NPAS3: variants seen among roughly 807,000 people sequenced by gnomAD.
NPAS3 encodes neuronal PAS domain protein 3, also known as neuronal PAS domain-containing protein 3.
In NPAS3, 14 loss-of-function variants were observed where a neutral mutation model predicts 73.1. The observed-to-expected ratio is 0.19, with a 90% CI of 0.13 to 0.30. The LOEUF (loss-of-function observed/expected upper bound fraction) is 0.30. Among genes scored for constraint, NPAS3 ranks in the 10% least tolerant of loss-of-function variants. The pLI, the probability that NPAS3 is intolerant of heterozygous loss-of-function variation, is 1.00. For synonymous variants in NPAS3, 620 were observed against 541.5 expected (o/e 1.14, Z -2.01); for missense variants, 1,096 against 1,250.0 (o/e 0.88, Z 1.86).
At chr14:33,411,444 A>G (rs1054926709) in intron 4 of NPAS3, among the ~76,000 whole-genome samples, 3 of 152,180 alleles carry the variant, frequency 2.0e-5, no homozygotes, top group African/African-American at 7.2e-5. Flanking sequence ...CGGTTTCCCA[A>G]GGTGCTGGGA....
chr14:33,084,585 G>T (rs377067541), intron 2 of NPAS3, among the ~76,000 whole-genome samples: 9 of 152,094 alleles, frequency 5.9e-5, no homozygotes, highest in African/African-American at 2.2e-4. Context: ...TAAAAATAAT[G>T]AAAATTTCCT....
chr14:33,523,600 T>TA (rs1016026877), intron 4 of NPAS3, among the ~76,000 whole-genome samples: 11 of 151,670 alleles, frequency 7.3e-5, no homozygotes, highest in African/African-American at 2.7e-4. Context: ...TCGTCTCCAC[T>TA]AAAAATACAA....
At chr14:33,401,072 G>T (rs1374942634) in intron 4 of NPAS3, among the ~76,000 whole-genome samples, 1 of 152,116 alleles carries the variant, frequency 6.6e-6, no homozygotes, top group Non-Finnish European at 1.5e-5. Context: ...TAGCAAGTTA[G>T]CATACTGAGG....
intron 2 of NPAS3, among the ~76,000 whole-genome samples, chr14:33,105,819 T>C (rs532440019): frequency 6.6e-6 from 1 of 152,260 alleles, no homozygotes; most frequent in Non-Finnish European, 1.5e-5. Flanking sequence ...TTAAAAAATG[T>C]CTGGTAATGG....
chr14:32,943,351 G>A (rs1260193453), intron 1 of NPAS3, among the ~76,000 whole-genome samples: 4 of 152,102 alleles, frequency 2.6e-5, no homozygotes, highest in Non-Finnish European at 2.9e-5. Flanking sequence ...AGAAATTGGA[G>A]CAGTTTGATA....
chr14:32,973,186 G>A (rs1441648148), intron 1 of NPAS3, among the ~76,000 whole-genome samples: 1 of 152,168 alleles, frequency 6.6e-6, no homozygotes, highest in African/African-American at 2.4e-5. Context: ...CTACATAAAA[G>A]AGACATTCTA....
At chr14:33,427,019 T>A (rs1385927416) in intron 4 of NPAS3, among the ~76,000 whole-genome samples, 1 of 152,112 alleles carries the variant, frequency 6.6e-6, no homozygotes, top group Non-Finnish European at 1.5e-5. Context: ...GGCATGATTT[T>A]GTAGGCCGTG....
chr14:33,105,955 T>A (rs1441431599), intron 2 of NPAS3, among the ~76,000 whole-genome samples: 2 of 152,138 alleles, frequency 1.3e-5, no homozygotes, highest in African/African-American at 4.8e-5. Context: ...AGCTTGGATA[T>A]CAAAGATATA....
intron 2 of NPAS3, among the ~76,000 whole-genome samples, chr14:33,065,227 G>A (rs2041237796): frequency 6.6e-6 from 1 of 152,136 alleles, no homozygotes; most frequent in South Asian, 2.1e-4. Context: ...TGCAGTTATA[G>A]AACGAAGCTA....
intron 5 of NPAS3, among the ~76,000 whole-genome samples, chr14:33,662,707 A>C (rs768892012): frequency 4.6e-5 from 7 of 151,902 alleles, no homozygotes; most frequent in Non-Finnish European, 8.8e-5. Flanking sequence ...TTCTCTTTGT[A>C]GTAATTGTGA....
At position 33,371,674 on chromosome 14, in the gene NPAS3, A is replaced by T. The variant is rs573277282; in HGVS notation, c.468+4406A>T. The stretch of plus-strand genomic sequence containing the variant: ...ATCTAAAAATGTTCATATCTAATGC[A>T]TATATCAACGTGTCTATGTGTGTGT... On this transcript the variant is annotated intron_variant, in intron 4 of 11. Coordinates refer to ENST00000356141, the Ensembl canonical transcript of NPAS3. 2.0e-5 allele frequency among the ~76,000 whole-genome samples: 3 copies of T among 152,320 alleles called. No individual in the cohort carries two copies. The East Asian group carries it at 5.8e-4, about 29-fold the overall frequency.
intron 2 of NPAS3, among the ~76,000 whole-genome samples, chr14:33,197,955 G>A (rs367695298): frequency 3.3e-5 from 5 of 152,152 alleles, no homozygotes; most frequent in African/African-American, 4.8e-5. Flanking sequence ...GGACGTGTTC[G>A]GAGTTTCTTC....
chr14:32,989,116 T>A (rs2038211665), intron 1 of NPAS3, among the ~76,000 whole-genome samples: 1 of 152,162 alleles, frequency 6.6e-6, no homozygotes. Flanking sequence ...GATATTCTGG[T>A]GGCATAGAGC....
chr14:32,977,356 G>GCACACACACACACA (rs3057259), intron 1 of NPAS3, among the ~76,000 whole-genome samples: 8,403 of 141,422 alleles, frequency 0.059, 298 homozygotes, highest in African/African-American at 0.072. Context: ...TCTCTGACAC[G>GCACACACACACACA]CACACACACA....
At chr14:33,370,991 G>A (rs1327991864) in intron 4 of NPAS3, among the ~76,000 whole-genome samples, 12 of 152,154 alleles carry the variant, frequency 7.9e-5, no homozygotes, top group African/African-American at 2.4e-4. Flanking sequence ...GATCACTGGT[G>A]TATAGATGAA....
intron 1 of NPAS3, among the ~76,000 whole-genome samples, chr14:33,028,458 A>T (rs1387122002): frequency 6.6e-6 from 1 of 152,234 alleles, no homozygotes; most frequent in East Asian, 1.9e-4. Flanking sequence ...TGCCACCACA[A>T]AATAAACACA....
intron 1 of NPAS3, among the ~76,000 whole-genome samples, chr14:33,045,471 T>C (rs916759643): frequency 6.6e-6 from 1 of 152,206 alleles, no homozygotes; most frequent in Non-Finnish European, 1.5e-5. Context: ...ATTGATTTAA[T>C]TCATTTAGTA....
intron 4 of NPAS3, among the ~76,000 whole-genome samples, chr14:33,452,774 CAAAAAAAAAAA>C (rs61640170): frequency 1.9e-5 from 1 of 53,840 alleles, no homozygotes; most frequent in Admixed American, 3.4e-4. Flanking sequence ...GACTCTGTCT[CAAAAAAAAAAA>C]AAAAAAAAAA....
intron 1 of NPAS3, among the ~76,000 whole-genome samples, chr14:33,022,269 C>T (rs2039625407): frequency 6.6e-6 from 1 of 152,162 alleles, no homozygotes; most frequent in South Asian, 2.1e-4. Context: ...GGAGCATATG[C>T]CTTGATTTTT....
Sources: allele counts gnomAD v4.1 joint callset (sites outside exome capture counted in the v4.1 genomes callset), GRCh38; gene constraint gnomAD v4.1.1; transcripts MANE v1.5; gene names NCBI Gene and HGNC (gene_info 2026-07-23, HGNC 2026-07-21).